Variants in ANK3 observed in about 807,000 individuals in gnomAD.
ANK3 encodes the protein ankyrin-3.
Under a neutral mutation model 370.9 loss-of-function variants are expected in ANK3, and 57 were observed. That is an observed-to-expected ratio of 0.15 (90% CI 0.12 to 0.19). The LOEUF (loss-of-function observed/expected upper bound fraction) is 0.19, where lower values mean the gene tolerates loss of function less well. Among genes scored for constraint, ANK3 ranks in the 10% least tolerant of loss-of-function variants. The pLI is 1.00. For missense variants in ANK3, 4,439 were observed against 5,302.1 expected (o/e 0.84, Z 5.06); for synonymous variants, 1,929 against 1,946.3 (o/e 0.99, Z 0.23).
chr10:60,053,946 T>C (rs570150850), intron 42 of ANK3, among the ~76,000 whole-genome samples: 2 of 152,152 alleles, frequency 1.3e-5, no homozygotes, highest in African/African-American at 4.8e-5. Context: ...TCGAAACCAA[T>C]ATCAGAGGCA....
intron 7 of ANK3, among the ~76,000 whole-genome samples, chr10:60,240,589 C>T (rs2097439496): frequency 6.6e-6 from 1 of 151,564 alleles, no homozygotes; most frequent in Non-Finnish European, 1.5e-5. Context: ...CAGGGGTGAG[C>T]CACCACACCC....
chr10:60,330,067 A>G (rs1463540545), intron 1 of ANK3, among the ~76,000 whole-genome samples: 1 of 152,244 alleles, frequency 6.6e-6, no homozygotes, highest in East Asian at 1.9e-4. Context: ...TGACGTTGGG[A>G]AAACTGGCTA....
chr10:60,318,393 A>T lies in ANK3; in HGVS notation c.115-38754T>A, dbSNP rs1197387971. ...ATACATCCTTCCAAAAATTTAATAG[A>T]TTAAAATTTGAATTTCCAAGATCAG... On this transcript the variant is annotated intron_variant, in intron 1 of 43. Transcript: ENST00000280772. 2.0e-5 allele frequency among the ~76,000 whole-genome samples: 3 copies of T among 152,208 alleles called. No homozygotes were observed. In the East Asian group the frequency reaches 5.8e-4, roughly 29 times the overall value.
intron 42 of ANK3, among the ~76,000 whole-genome samples, chr10:60,054,474 CT>C (rs1240237294): frequency 4.6e-5 from 7 of 152,096 alleles, no homozygotes; most frequent in African/African-American, 1.7e-4. Context: ...ATTTAAGCAA[CT>C]GATTACCACC....
At chr10:60,575,564 A>C (rs1402916842) in intron 2 of ANK3, among the ~76,000 whole-genome samples, 1 of 152,212 alleles carries the variant, frequency 6.6e-6, no homozygotes, top group Non-Finnish European at 1.5e-5. Context: ...GTTATAATTT[A>C]ATAATAAAAC....
chr10:60,520,132 C>T lies in ANK3; in HGVS notation c.96+95054G>A, dbSNP rs12269335. Among the ~76,000 whole-genome samples the T allele has an allele frequency of 8.0e-3, 1,220 of 152,172 alleles. 17 individuals are homozygous for T. The highest frequency in any genetic ancestry group is 0.027 in the African/African-American group (1,133 of 41,514). The stretch of plus-strand genomic sequence containing the variant: ...AAGAATGAAATCATGTCCTTTGCAG[C>T]AACATGGATGCAGCTGAAGGCTGTT... On this transcript the variant is annotated intron_variant, in intron 2 of 43. Transcript: ENST00000373827.
Position 60,172,988 on chromosome 10 carries a change from G to C in ANK3, c.2294C>G (p.Thr765Arg). Residue 765 changes from threonine to arginine, a missense_variant, in exon 20 of 44, where the codon ACG becomes AGG. Physicochemically the swap from Thr to Arg is moderately conservative, Grantham distance 71. This residue lies in a region of ANK3 where 702 missense variants were observed against 941.5 expected (regional missense o/e 0.75). Coordinates refer to ENST00000280772, the MANE Select transcript of ANK3 (RefSeq NM_020987.5). ...KVNAKTKNGY[T>R]PLHQAAQQGH... ...CTGCTGTGCTGCTTGATGTAATGGC[G>C]TATACCCATTCTGTAGAAGGAAGAT... 5 of 1,611,462 alleles carry C rather than the reference G, an allele frequency of 3.1e-6. No homozygotes were observed. Among genetic ancestry groups the C allele is most frequent in the Non-Finnish European group, 4.2e-6 (5 of 1,177,760 alleles).
At chr10:60,431,793 A>G (rs2064031450) in intron 2 of ANK3, among the ~76,000 whole-genome samples, 1 of 152,188 alleles carries the variant, frequency 6.6e-6, no homozygotes, top group Admixed American at 6.5e-5. Flanking sequence ...AACTTAAAGT[A>G]TAATTTAAAA....
intron 2 of ANK3, among the ~76,000 whole-genome samples, chr10:60,412,166 G>T (rs902852206): frequency 1.3e-4 from 20 of 152,106 alleles, no homozygotes; most frequent in South Asian, 1.0e-3. Context: ...TCGTCAACTT[G>T]ACTGGCCGTG....
At chr10:60,581,527 T>G (rs948051585) in intron 2 of ANK3, among the ~76,000 whole-genome samples, 1 of 150,538 alleles carries the variant, frequency 6.6e-6, no homozygotes, top group African/African-American at 2.4e-5. Context: ...CGGGTTCAAG[T>G]GATTCTCCTG....
intron 1 of ANK3, among the ~76,000 whole-genome samples, chr10:60,384,600 C>T (rs559411702): frequency 2.6e-5 from 4 of 152,324 alleles, no homozygotes; most frequent in South Asian, 4.1e-4. Context: ...ATTTGGGCAA[C>T]TAGCTTCAAG....
chr10:60,577,044 C>A (rs2077691368), intron 2 of ANK3, among the ~76,000 whole-genome samples: 2 of 152,302 alleles, frequency 1.3e-5, no homozygotes, highest in South Asian at 4.1e-4. Context: ...AAAAAAGTAA[C>A]TAGGCTCCAT....
At chr10:60,595,976 G>T (rs897634036) in intron 2 of ANK3, among the ~76,000 whole-genome samples, 2 of 152,118 alleles carry the variant, frequency 1.3e-5, no homozygotes, top group African/African-American at 4.8e-5. Context: ...CTGATTGACA[G>T]TTCACACTGA....
chr10:60,032,346 A>G (rs1022237318), intron 43 of ANK3, among the ~76,000 whole-genome samples: 7 of 151,822 alleles, frequency 4.6e-5, no homozygotes, highest in Non-Finnish European at 7.4e-5. Context: ...AGCTGGGATT[A>G]TAGGTGTGTG....
intron 40 of ANK3, chr10:60,062,438 C>T (rs1043768248): frequency 2.0e-5 from 3 of 152,110 alleles, no homozygotes; most frequent in Non-Finnish European, 4.4e-5. Flanking sequence ...ATAAATTAAG[C>T]TAATGTGAAA....
chr10:60,228,350 A>G (rs1430951230), intron 8 of ANK3, among the ~76,000 whole-genome samples: 3 of 152,072 alleles, frequency 2.0e-5, no homozygotes, highest in Non-Finnish European at 4.4e-5. Context: ...CCTGGCCAAT[A>G]TGGTGAAACC....
chr10:60,454,005 T>C (rs950025197), intron 2 of ANK3, among the ~76,000 whole-genome samples: 1 of 152,222 alleles, frequency 6.6e-6, no homozygotes, highest in Non-Finnish European at 1.5e-5. Context: ...AAACAATGAA[T>C]CAAACAGCTG....
At chr10:60,251,265 A>G (rs1198885542) in intron 7 of ANK3, among the ~76,000 whole-genome samples, 1 of 152,154 alleles carries the variant, frequency 6.6e-6, no homozygotes, top group African/African-American at 2.4e-5. Context: ...CTTCTGACCA[A>G]CCGCTCTCTG....
At chr10:60,126,122 T>C (rs529876185) in intron 25 of ANK3, among the ~76,000 whole-genome samples, 1 of 152,296 alleles carries the variant, frequency 6.6e-6, no homozygotes, top group South Asian at 2.1e-4. Flanking sequence ...GTTGACATCA[T>C]AGTCTAGTTA....
Sources: gnomAD v4.1 joint callset for allele counts (sites outside exome capture counted in the v4.1 genomes callset) on GRCh38, gnomAD v4.1.1 for gene constraint, gnomAD v4.1.1 regional missense constraint, MANE v1.5 for transcripts, NCBI Gene and HGNC (gene_info 2026-07-23, HGNC 2026-07-21) for gene names.